CDKN3: variants seen among roughly 807,000 people sequenced by gnomAD.
CDKN3 encodes the protein cyclin-dependent kinase inhibitor 3.
Under a neutral mutation model 36.1 loss-of-function variants are expected in CDKN3, and 19 were observed. The observed-to-expected ratio is 0.53, with a 90% confidence interval of 0.37 to 0.77. CDKN3 has a LOEUF of 0.77. Ranked by LOEUF, CDKN3 falls within the 30% of genes least tolerant of loss-of-function variation. The pLI is 0.00. For missense variants in CDKN3, 188 were observed against 248.6 expected, an observed-to-expected ratio of 0.76 and a Z score of 1.64; for synonymous variants, 71 against 85.3, an observed-to-expected ratio of 0.83 and a Z score of 0.92.
Position 54,401,590 on chromosome 14 carries a change from C to T in CDKN3, c.148+11C>T, listed in dbSNP as rs1400271734. The T allele has an allele frequency of 1.3e-6, 2 of 1,560,240 alleles. No homozygotes were observed. Among genetic ancestry groups the T allele is most frequent in the Non-Finnish European group, 1.8e-6 (2 of 1,137,074 alleles). On this transcript the variant is annotated intron_variant, in intron 3 of 7. Coordinates refer to ENST00000335183, the MANE Select transcript of CDKN3 (RefSeq NM_005192.4). ...TATGTGCTCTTCCAGGTGGGTAACA[C>T]AATAATGGGCTTCCTATCAATATGT...
chr14:54,409,425 T>C (rs1034430734), intron 4 of CDKN3, among the ~76,000 whole-genome samples: 3 of 152,226 alleles, frequency 2.0e-5, no homozygotes, highest in African/African-American at 7.2e-5. Context: ...GATATCCTTA[T>C]AGTATGGCAA....
chr14:54,399,350 C>T (rs1050331384), intron 1 of CDKN3, among the ~76,000 whole-genome samples: 1 of 152,174 alleles, frequency 6.6e-6, no homozygotes, highest in Non-Finnish European at 1.5e-5. Context: ...CTCTGTGAAG[C>T]CTTCTCCAGC....
At chr14:54,411,814 G>A (rs972613309) in intron 5 of CDKN3, 108 bp downstream of exon 5, 6 of 771,364 alleles carry the variant, frequency 7.8e-6, no homozygotes, top group African/African-American at 1.7e-5. Context: ...TTGTTGTAAG[G>A]ATTAAAAGGT....
chr14:54,399,864 C>A lies in CDKN3; in HGVS notation c.10-30C>A, dbSNP rs201253790. On this transcript the variant is annotated intron_variant, in intron 1 of 7. Coordinates refer to ENST00000335183, the MANE Select transcript of CDKN3 (RefSeq NM_005192.4). ...CCTAAAACTACAAAAAAATTCTTTA[C>A]AGTTATTTAACATAACATTTCTTTT... 2.7e-5 allele frequency: 32 copies of A among 1,195,372 alleles called. No individual in the cohort carries two copies. In the African/African-American group the frequency reaches 4.8e-4, roughly 18 times the overall value. 74.0% of individuals were successfully genotyped at this position (1,195,372 alleles called of 1,614,324 possible). A position where few individuals can be genotyped will look rare whatever the true frequency, so the allele number is the denominator to read the frequency against.
intron 5 of CDKN3, chr14:54,412,733 G>A (rs1468023131): frequency 1.4e-5 from 5 of 364,966 alleles, no homozygotes; most frequent in Non-Finnish European, 2.3e-5. Context: ...TGCCGGAAGT[G>A]AAACACACAA....
At chr14:54,419,942 TGATAACTAGTTTTCTACA>T in intron 7 of CDKN3, 32 bp from the exon 8 acceptor site, 1 of 1,052,098 alleles carries the variant, frequency 9.5e-7, no homozygotes, top group Non-Finnish European at 1.5e-6. Context: ...GTGCCCACAC[TGATAACTAGTTTTCTACA>T]GTGTATTCCA....
intron 1 of CDKN3, among the ~76,000 whole-genome samples, chr14:54,399,057 C>T (rs1265452246): frequency 2.3e-5 from 3 of 130,848 alleles, no homozygotes; most frequent in Non-Finnish European, 4.6e-5. Flanking sequence ...GTGTTCCTGG[C>T]TCACTGCAAC....
At chr14:54,417,306 T>C (rs1464633686) in intron 6 of CDKN3, among the ~76,000 whole-genome samples, 1 of 152,246 alleles carries the variant, frequency 6.6e-6, no homozygotes, top group Non-Finnish European at 1.5e-5. Context: ...TACAATGGAA[T>C]ATTATTTGAT....
At chr14:54,408,173 T>C (rs548539403) in intron 3 of CDKN3, among the ~76,000 whole-genome samples, 5 of 152,374 alleles carry the variant, frequency 3.3e-5, no homozygotes, top group Admixed American at 1.3e-4. Flanking sequence ...CTTTTAGTTC[T>C]TTAAGGCATC....
intron 3 of CDKN3, among the ~76,000 whole-genome samples, chr14:54,404,927 T>G (rs2030104168): frequency 6.6e-6 from 1 of 152,226 alleles, no homozygotes; most frequent in South Asian, 2.1e-4. Context: ...ATTTGTTTGC[T>G]CTTGCTTCTC....
intron 1 of CDKN3, among the ~76,000 whole-genome samples, chr14:54,398,915 T>G (rs567443354): frequency 3.4e-4 from 52 of 152,154 alleles, no homozygotes; most frequent in African/African-American, 1.2e-3. Context: ...CTACTCCATC[T>G]CTATTTTGAT....
Position 54,415,918 on chromosome 14 carries a change from A to C in CDKN3, c.436A>C (p.Arg146=), listed in dbSNP as rs1472715413. 1.2e-6 allele frequency: 2 copies of C among 1,603,138 alleles called. No individual in the cohort carries two copies. Among genetic ancestry groups the C allele is most frequent in the African/African-American group, 2.7e-5 (2 of 74,720 alleles). The change falls in exon 6 of 8, where the codon AGA becomes CGA. Residue 146 remains arginine, a synonymous_variant. Coordinates refer to ENST00000335183, the MANE Select transcript of CDKN3 (RefSeq NM_005192.4). ...TLIHCYGGLG[R]SCLVAACLLL... is the part of the protein sequence containing the mutation. ...TTTCAGCTGCTATGGAGGACTTGGG[A>C]GATCTTGTCTTGGTAAGAAATATAT...
Position 54,401,547 on chromosome 14 carries a change from G to T in CDKN3, c.116G>T (p.Cys39Phe). ...AGGCTATCTTTGTCACGAGTGAATT[G>T]TTCTCAGTTTCTCGGTTTATGTGCT... ...ISWLSLSRVN[C>F]SQFLGLCALP... The change falls in exon 3 of 8, where the codon TGT becomes TTT. Residue 39 changes from cysteine to phenylalanine, a missense_variant. Coordinates refer to ENST00000335183, the MANE Select transcript of CDKN3 (RefSeq NM_005192.4). 6.2e-7 allele frequency: 1 copy of T among 1,610,644 alleles called. No individual in the cohort carries two copies.
At chr14:54,398,953 T>C (rs1311183951) in intron 1 of CDKN3, among the ~76,000 whole-genome samples, 1 of 151,316 alleles carries the variant, frequency 6.6e-6, no homozygotes, top group Non-Finnish European at 1.5e-5. Context: ...CACAAGCCCT[T>C]GGCTTAACTT....
intron 7 of CDKN3, among the ~76,000 whole-genome samples, chr14:54,419,364 A>C (rs745356505): frequency 3.3e-5 from 5 of 152,202 alleles, no homozygotes; most frequent in Non-Finnish European, 7.3e-5. Context: ...TGGTGTTAGC[A>C]ATGCAGTTTC....
chr14:54,413,933 A>T, intron 5 of CDKN3: 1 of 733,732 alleles, frequency 1.4e-6, no homozygotes, highest in South Asian at 2.5e-5. Flanking sequence ...CAAAATTAAG[A>T]TGAGAGCAGA....
At chr14:54,416,167 C>A (rs1481987539) in intron 6 of CDKN3, among the ~76,000 whole-genome samples, 1 of 152,122 alleles carries the variant, frequency 6.6e-6, no homozygotes, top group African/African-American at 2.4e-5. Flanking sequence ...GTCTTAACAC[C>A]TGCATTCTTA....
chr14:54,402,542 T>G lies in CDKN3; in HGVS notation c.148+963T>G, dbSNP rs143250375. Among the ~76,000 whole-genome samples, 642 of 152,332 alleles carry G rather than the reference T, an allele frequency of 4.2e-3. 3 individuals carry two copies. The highest frequency in any genetic ancestry group is 0.015 in the African/African-American group (607 of 41,570). The stretch of plus-strand genomic sequence containing the variant: ...ATAGTTTCTTTTGCTGTGCAGAAGC[T>G]CTTTAGTTTAATTAAATCCCATTTG... On this transcript the variant is annotated intron_variant, in intron 3 of 7. Transcript: ENST00000335183.
intron 7 of CDKN3, among the ~76,000 whole-genome samples, chr14:54,418,567 A>C (rs2030624908): frequency 6.6e-6 from 1 of 152,222 alleles, no homozygotes; most frequent in Admixed American, 6.5e-5. Context: ...CATTTTGTAG[A>C]TCTGTAAAGC....
Sources: allele counts gnomAD v4.1 joint callset (sites outside exome capture counted in the v4.1 genomes callset), GRCh38; gene constraint gnomAD v4.1.1; transcripts MANE v1.5; gene names NCBI Gene and HGNC (gene_info 2026-07-23, HGNC 2026-07-21).